Variants in GABRP observed in about 807,000 individuals in gnomAD.
GABRP encodes the protein gamma-aminobutyric acid receptor subunit pi.
GABRP carries 52 observed loss-of-function variants against 47.8 expected under a neutral mutation model. The observed-to-expected ratio is 1.09, with a 90% confidence interval of 0.87 to 1.37. The LOEUF (loss-of-function observed/expected upper bound fraction) is 1.37, where lower values mean the gene tolerates loss of function less well. Ranked by LOEUF, GABRP falls within the 40% of genes most tolerant of loss-of-function variation. The pLI, the probability that GABRP is intolerant of heterozygous loss-of-function variation, is 0.00. For missense variants in GABRP, 525 were observed against 542.8 expected (o/e 0.97, Z 0.33); for synonymous variants, 221 against 205.8 (o/e 1.07, Z -0.63).
intron 3 of GABRP, among the ~76,000 whole-genome samples, chr5:170,792,892 C>T (rs938608680): frequency 3.3e-5 from 5 of 152,138 alleles, no homozygotes; most frequent in African/African-American, 1.2e-4. Context: ...CTGAGGTACC[C>T]CCGGGGGTTA....
At chr5:170,801,346 T>A (rs923291538) in intron 6 of GABRP, among the ~76,000 whole-genome samples, 1 of 152,232 alleles carries the variant, frequency 6.6e-6, no homozygotes, top group Non-Finnish European at 1.5e-5. Flanking sequence ...AATGAAAATC[T>A]TTTAATACCT....
chr5:170,800,097 C>T (rs1174775824), intron 6 of GABRP, among the ~76,000 whole-genome samples: 1 of 152,196 alleles, frequency 6.6e-6, no homozygotes, highest in Non-Finnish European at 1.5e-5. Context: ...AACAATACTA[C>T]AAGGCTACAG....
At chr5:170,801,157 C>T (rs540816339) in intron 6 of GABRP, among the ~76,000 whole-genome samples, 34 of 152,234 alleles carry the variant, frequency 2.2e-4, no homozygotes, top group Middle Eastern at 3.4e-3. Context: ...GAAGTAGCCG[C>T]ACGGGGACTT....
intron 5 of GABRP, 47 bp downstream of exon 5, chr5:170,795,472 G>A (rs1192779060): frequency 2.0e-6 from 3 of 1,472,630 alleles, no homozygotes; most frequent in African/African-American, 2.8e-5. Flanking sequence ...GCAGCTGGGA[G>A]AAAACATGCA....
At chr5:170,810,888 T>A (rs945751916) in intron 9 of GABRP, among the ~76,000 whole-genome samples, 2 of 151,956 alleles carry the variant, frequency 1.3e-5, no homozygotes, top group Non-Finnish European at 2.9e-5. Context: ...TTTTGCTCCC[T>A]TAGGCTTCCT....
chr5:170,790,393 T>C (rs1765234044), intron 3 of GABRP, among the ~76,000 whole-genome samples: 1 of 152,076 alleles, frequency 6.6e-6, no homozygotes, highest in Non-Finnish European at 1.5e-5. Context: ...GCCTGCCCCA[T>C]CAACAGAGTG....
In GABRP at chr5:170,795,215, C is replaced by T. The variant is rs1274285601; in HGVS notation, c.248C>T (p.Thr83Ile). 2.9e-5 allele frequency: 47 copies of T among 1,612,826 alleles called. No homozygotes were observed. Among genetic ancestry groups the T allele is most frequent in the Non-Finnish European group, 3.6e-5 (43 of 1,179,492 alleles). Residue 83 changes from threonine (T) to isoleucine (I), a missense_variant, in exon 5 of 10, where the codon ACA (threonine) becomes ATA (isoleucine). By Grantham distance (89) the Thr-to-Ile change is moderately conservative. Transcript: ENST00000265294. ...CCTGCCTCCCCCTCCCAGGACTACA[C>T]AGCCACCATATACCTCCGACAGCGC... is the stretch of plus-strand genomic sequence containing the variant. ...SSISESNMDY[T>I]ATIYLRQRWM...
In GABRP at chr5:170,812,969, C is replaced by T. The variant is rs992888154; in HGVS notation, c.*711C>T. ...TCCCCATACTGGAAGGACTCTGAGGCTTTATTCCCCCACTATGCATATCTT... is the reference window on the plus strand; with the variant it reads ...TCCCCATACTGGAAGGACTCTGAGGTTTTATTCCCCCACTATGCATATCTT... On this transcript the variant is annotated 3_prime_UTR_variant, in exon 10 of 10. Transcript: ENST00000265294. The T allele has an allele frequency of 2.4e-4, 36 of 152,350 alleles. No homozygotes were observed. Among genetic ancestry groups the T allele is most frequent in the African/African-American group, 8.4e-4 (35 of 41,580 alleles). 9.4% of individuals were successfully genotyped at this position (152,350 alleles called of 1,614,324 possible).
intron 1 of GABRP, among the ~76,000 whole-genome samples, chr5:170,787,889 G>T (rs1765167907): frequency 6.6e-6 from 1 of 152,154 alleles, no homozygotes. Flanking sequence ...CTTGGTCAAG[G>T]TGAGTGTAGA....
chr5:170,805,787 C>G lies in GABRP; in HGVS notation c.613C>G (p.Leu205Val). Residue 205 changes from leucine to valine, a missense_variant, in exon 7 of 10, where the codon CTG (leucine) becomes GTG (valine). Leu to Val is a conservative substitution (Grantham distance 32). Coordinates refer to ENST00000265294, the MANE Select transcript of GABRP (RefSeq NM_014211.3). Reference sequence around the variant, plus strand: ...CGACTCTGTGCGTGGACTGGAACACCTGCGGCTTGCTCAGTACACCATAGA... The same window carrying G: ...CGACTCTGTGCGTGGACTGGAACACGTGCGGCTTGCTCAGTACACCATAGA... ...GNDSVRGLEH[L>V]RLAQYTIERY... The G allele has an allele frequency of 1.2e-6, 2 of 1,614,200 alleles. No individual in the cohort carries two copies. The highest frequency in any genetic ancestry group is 1.7e-6 in the Non-Finnish European group (2 of 1,180,036).
At chr5:170,803,955 A>G (rs370204732) in intron 6 of GABRP, among the ~76,000 whole-genome samples, 78 of 152,118 alleles carry the variant, frequency 5.1e-4, no homozygotes, top group African/African-American at 1.8e-3. Context: ...TTTAGTAGAG[A>G]CAGGGTTTCA....
At chr5:170,788,705 G>T (rs370004736) in intron 2 of GABRP, 37 bp downstream of exon 2, 1 of 1,603,002 alleles carries the variant, frequency 6.2e-7, no homozygotes, top group Non-Finnish European at 8.5e-7. Context: ...CTCCATCTGC[G>T]TTGCTTTGCA....
intron 9 of GABRP, among the ~76,000 whole-genome samples, chr5:170,810,616 A>G (rs1298109676): frequency 1.3e-5 from 2 of 152,200 alleles, no homozygotes; most frequent in East Asian, 1.9e-4. Flanking sequence ...GCCAAATTTG[A>G]TAGATAATGG....
chr5:170,787,374 T>A (rs1350022170), intron 1 of GABRP, among the ~76,000 whole-genome samples: 1 of 152,220 alleles, frequency 6.6e-6, no homozygotes, highest in Non-Finnish European at 1.5e-5. Context: ...GTCACCAGCA[T>A]GACAGGTCAC....
Position 170,808,686 on chromosome 5 carries a change from C to T in GABRP, c.766C>T (p.Leu256=), listed in dbSNP as rs1398996325. The T allele has an allele frequency of 1.2e-6, 2 of 1,614,116 alleles. No homozygotes were observed. The highest frequency in any genetic ancestry group is 2.2e-5 in the South Asian group (2 of 91,078). The change falls in exon 8 of 10, where the codon CTG becomes TTG. Residue 256 remains leucine (L), a synonymous_variant. Coordinates refer to ENST00000265294, the MANE Select transcript of GABRP (RefSeq NM_014211.3). ...ILETYVPSTF[L]VVLSWVSFWI... The stretch of plus-strand genomic sequence containing the variant: ...GGAAACCTACGTTCCTTCCACTTTC[C>T]TGGTGGTGTTGTCCTGGGTTTCATT...
intron 3 of GABRP, among the ~76,000 whole-genome samples, chr5:170,792,029 A>T (rs183420627): frequency 7.2e-5 from 11 of 152,192 alleles, no homozygotes; most frequent in Non-Finnish European, 1.6e-4. Context: ...AGGCTTAATC[A>T]CCTCTTAAGG....
intron 9 of GABRP, 55 bp from the exon 10 acceptor site, chr5:170,811,897 CTACT>C: frequency 6.8e-7 from 1 of 1,466,654 alleles, no homozygotes; most frequent in Non-Finnish European, 9.4e-7. Context: ...AGCTCATTAC[CTACT>C]TATTTATTTT....
intron 6 of GABRP, among the ~76,000 whole-genome samples, chr5:170,802,359 A>G (rs1765618670): frequency 6.6e-6 from 1 of 152,128 alleles, no homozygotes; most frequent in Non-Finnish European, 1.5e-5. Flanking sequence ...AGCAGTGGGC[A>G]CTCCTTACGT....
At chr5:170,798,203 G>T (rs572923617) in intron 6 of GABRP, among the ~76,000 whole-genome samples, 1 of 152,084 alleles carries the variant, frequency 6.6e-6, no homozygotes, top group Non-Finnish European at 1.5e-5. Flanking sequence ...CACCACGCCC[G>T]GCTAATTTTT....
Sources: gnomAD v4.1 joint callset for allele counts (sites outside exome capture counted in the v4.1 genomes callset) on GRCh38, gnomAD v4.1.1 for gene constraint, MANE v1.5 for transcripts, NCBI Gene and HGNC (gene_info 2026-07-23, HGNC 2026-07-21) for gene names.